The following GPR158 variants were observed in gnomAD, a reference collection of about 807,000 sequenced individuals.
The protein encoded by GPR158 is G protein-coupled receptor 158.
Under a neutral mutation model 78.2 loss-of-function variants are expected in GPR158, and 30 were observed. The observed-to-expected ratio is 0.38, with a 90% confidence interval of 0.29 to 0.52. GPR158 has a LOEUF of 0.52. Among genes scored for constraint, GPR158 ranks in the 20% least tolerant of loss-of-function variants. GPR158 has a pLI of 0.83. For synonymous variants in GPR158, 581 were observed against 591.1 expected, an observed-to-expected ratio of 0.98 and a Z score of 0.25; for missense variants, 1,463 against 1,523.5, an observed-to-expected ratio of 0.96 and a Z score of 0.66.
At chr10:25,313,701 A>G (rs1854803115) in intron 2 of GPR158, among the ~76,000 whole-genome samples, 1 of 152,208 alleles carries the variant, frequency 6.6e-6, no homozygotes, top group Non-Finnish European at 1.5e-5. Flanking sequence ...GTCATGATGT[A>G]TACATATCTT....
chr10:25,590,405 G>A (rs1005533043), intron 8 of GPR158, among the ~76,000 whole-genome samples: 5 of 152,020 alleles, frequency 3.3e-5, no homozygotes, highest in African/African-American at 1.2e-4. Flanking sequence ...TTATAAATAC[G>A]CAAAGGAAGA....
intron 5 of GPR158, among the ~76,000 whole-genome samples, chr10:25,484,525 A>AC (rs1357312059): frequency 6.6e-6 from 1 of 152,194 alleles, no homozygotes; most frequent in Non-Finnish European, 1.5e-5. Context: ...TCCTGAGATT[A>AC]CCTTCATGGG....
intron 9 of GPR158, 133 bp from the exon 10 acceptor site, chr10:25,596,510 T>C: frequency 1.6e-6 from 1 of 613,310 alleles, no homozygotes; most frequent in Non-Finnish European, 2.8e-6. Flanking sequence ...TATCTATCTA[T>C]ATATATAGAT....
At chr10:25,504,556 C>A (rs757028174) in intron 5 of GPR158, among the ~76,000 whole-genome samples, 2 of 152,130 alleles carry the variant, frequency 1.3e-5, no homozygotes, top group Non-Finnish European at 1.5e-5. Context: ...ACAGTCAGGA[C>A]CAACAAAGGC....
chr10:25,267,501 A>C (rs887373962), intron 2 of GPR158, among the ~76,000 whole-genome samples: 1 of 152,150 alleles, frequency 6.6e-6, no homozygotes, highest in African/African-American at 2.4e-5. Flanking sequence ...ACAATTCAAG[A>C]TGAGATTTGG....
At position 25,185,806 on chromosome 10, in the gene GPR158, G is replaced by T. The variant is rs1389621389; in HGVS notation, c.902+9484G>T. Reference sequence around the variant, plus strand: ...CCACTGCACTTCAGCCTGGGCGACAGAGAAAAAAAAAAAAATTCCTGGATA... The same window carrying T: ...CCACTGCACTTCAGCCTGGGCGACATAGAAAAAAAAAAAAATTCCTGGATA... On this transcript the variant is annotated intron_variant, in intron 1 of 10. Coordinates refer to ENST00000376351, the MANE Select transcript of GPR158 (RefSeq NM_020752.3). 7.3e-5 allele frequency among the ~76,000 whole-genome samples: 11 copies of T among 150,428 alleles called. No homozygotes were observed. The East Asian group carries it at 1.9e-3, about 27-fold the overall frequency.
chr10:25,521,338 G>A (rs1470805455), intron 5 of GPR158, among the ~76,000 whole-genome samples: 1 of 152,190 alleles, frequency 6.6e-6, no homozygotes, highest in Non-Finnish European at 1.5e-5. Context: ...CGTCGCTCAC[G>A]CTGGGAGCTG....
intron 5 of GPR158, among the ~76,000 whole-genome samples, chr10:25,538,867 A>G (rs932629396): frequency 5.9e-5 from 9 of 152,186 alleles, no homozygotes; most frequent in Non-Finnish European, 1.3e-4. Context: ...CCAAAACGGT[A>G]TCTATTTTGA....
chr10:25,313,779 T>C (rs1854804284), intron 2 of GPR158, among the ~76,000 whole-genome samples: 1 of 152,162 alleles, frequency 6.6e-6, no homozygotes, highest in Admixed American at 6.5e-5. Flanking sequence ...ATAAATTATA[T>C]TGATTGGTAA....
At chr10:25,516,657 G>T (rs1161243981) in intron 5 of GPR158, among the ~76,000 whole-genome samples, 1 of 115,618 alleles carries the variant, frequency 8.6e-6, no homozygotes, top group Non-Finnish European at 1.7e-5. Flanking sequence ...TTTTTCTCAG[G>T]TTTGTCAAAG....
At chr10:25,518,564 T>C (rs1330010628) in intron 5 of GPR158, among the ~76,000 whole-genome samples, 1 of 57,612 alleles carries the variant, frequency 1.7e-5, no homozygotes, top group Admixed American at 1.5e-4. Flanking sequence ...GAGATTCTGG[T>C]ATGTGGTGTC....
At chr10:25,193,835 C>T (rs1418429455) in intron 1 of GPR158, among the ~76,000 whole-genome samples, 1 of 151,422 alleles carries the variant, frequency 6.6e-6, no homozygotes, top group South Asian at 2.1e-4. Context: ...CCTAATTGCT[C>T]CATTCTCAAG....
Position 25,176,206 on chromosome 10 carries a change from C to G in GPR158, c.786C>G (p.His262Gln). ...RKDGLGGDKS[H>Q]FKWSPPYLEC... The stretch of plus-strand genomic sequence containing the variant: ...ACGGGCTCGGCGGGGACAAGAGCCA[C>G]TTCAAGTGGTCTCCGCCTTATCTGG... Residue 262 changes from histidine (H) to glutamine (Q), a missense_variant, in exon 1 of 11, where the codon CAC (histidine) becomes CAG (glutamine). Physicochemically the swap from His to Gln is conservative, Grantham distance 24. Transcript: ENST00000376351. The surrounding 1 kb of genome is among the most constrained non-coding windows in gnomAD (Gnocchi z 6.3). 6.3e-7 allele frequency: 1 copy of G among 1,589,174 alleles called. No individual in the cohort carries two copies. The highest frequency in any genetic ancestry group is 8.6e-7 in the Non-Finnish European group (1 of 1,168,908).
chr10:25,207,942 TTTACTC>T (rs769352287), intron 1 of GPR158, among the ~76,000 whole-genome samples: 4 of 152,222 alleles, frequency 2.6e-5, no homozygotes, highest in Non-Finnish European at 5.9e-5. Context: ...TTGATATTAT[TTTACTC>T]TTATGCTATC....
chr10:25,496,023 CA>C, intron 5 of GPR158, among the ~76,000 whole-genome samples: 1 of 152,124 alleles, frequency 6.6e-6, no homozygotes, highest in South Asian at 2.1e-4. Context: ...TTATGACAAC[CA>C]AAAATATCTT....
At chr10:25,261,483 A>G (rs759460132) in intron 2 of GPR158, among the ~76,000 whole-genome samples, 12 of 151,988 alleles carry the variant, frequency 7.9e-5, no homozygotes, top group Admixed American at 1.3e-4. Flanking sequence ...CTTTTGCACT[A>G]TGCTGATACA....
chr10:25,601,456 C>G lies in GPR158; in HGVS notation c.*2182C>G, dbSNP rs1310076001. 6.6e-6 allele frequency: 1 copy of G among 152,550 alleles called. No homozygotes were observed. Among genetic ancestry groups the G allele is most frequent in the Non-Finnish European group, 1.5e-5 (1 of 68,020 alleles). 9.4% of individuals were successfully genotyped at this position (152,550 alleles called of 1,614,324 possible). On this transcript the variant is annotated 3_prime_UTR_variant, in exon 11 of 11. Transcript: ENST00000376351. Reference sequence around the variant, plus strand: ...ACCCACATATTTGTTTCATTTATGTCTGAAATCTGTTAGCACTTGATTCCT... The same window carrying G: ...ACCCACATATTTGTTTCATTTATGTGTGAAATCTGTTAGCACTTGATTCCT...
chr10:25,579,629 A>G (rs1837159956), intron 7 of GPR158, among the ~76,000 whole-genome samples: 1 of 152,220 alleles, frequency 6.6e-6, no homozygotes. Context: ...AGAAACAACA[A>G]GACCGCAAAA....
chr10:25,452,914 A>C (rs1272081814), intron 4 of GPR158, among the ~76,000 whole-genome samples: 1 of 152,126 alleles, frequency 6.6e-6, no homozygotes, highest in Non-Finnish European at 1.5e-5. Flanking sequence ...TGCAGCCACC[A>C]TTCTACTCTC....
Sources: allele counts gnomAD v4.1 joint callset (sites outside exome capture counted in the v4.1 genomes callset), GRCh38; gene constraint gnomAD v4.1.1; non-coding constraint Gnocchi (gnomAD v3.1); transcripts MANE v1.5; gene names NCBI Gene and HGNC (gene_info 2026-07-23, HGNC 2026-07-21).